Variants in ANGPT1 observed in about 807,000 individuals in gnomAD.
The protein encoded by ANGPT1 is angiopoietin 1.
ANGPT1 carries 17 observed loss-of-function variants against 62.2 expected under a neutral mutation model. The observed-to-expected ratio is 0.27, with a 90% CI of 0.19 to 0.41. ANGPT1 has a LOEUF of 0.41. ANGPT1 is among the 10% of genes least tolerant of loss of function. The pLI is 1.00. For missense variants in ANGPT1, 478 were observed against 594.9 expected (o/e 0.80, Z 2.04); for synonymous variants, 199 against 198.9 (o/e 1.00, Z 0.00).
chr8:107,369,728 T>A (rs1314847780), intron 1 of ANGPT1, among the ~76,000 whole-genome samples: 1 of 151,046 alleles, frequency 6.6e-6, no homozygotes, highest in Non-Finnish European at 1.5e-5. Flanking sequence ...GGGAGAGAGA[T>A]GAGGAAATGG....
intron 1 of ANGPT1, among the ~76,000 whole-genome samples, chr8:107,351,658 G>A (rs1815935941): frequency 6.6e-6 from 1 of 152,004 alleles, no homozygotes; most frequent in Admixed American, 6.6e-5. Flanking sequence ...TTTCACTATA[G>A]TGGAGACCAA....
intron 1 of ANGPT1, among the ~76,000 whole-genome samples, chr8:107,399,423 C>T (rs1816999346): frequency 6.6e-6 from 1 of 152,244 alleles, no homozygotes. Context: ...TTTCATTGTA[C>T]TATCAAAAAC....
chr8:107,434,543 C>T (rs1228499876), intron 1 of ANGPT1, among the ~76,000 whole-genome samples: 2 of 151,612 alleles, frequency 1.3e-5, no homozygotes, highest in Non-Finnish European at 2.9e-5. Context: ...AGGAGATGAA[C>T]GATTAAAGAG....
chr8:107,472,662 A>G (rs1029339621), intron 1 of ANGPT1, among the ~76,000 whole-genome samples: 1 of 152,032 alleles, frequency 6.6e-6, no homozygotes, highest in African/African-American at 2.4e-5. Context: ...GGAGGAAACC[A>G]TTATTATTCT....
rs1210066051 is a variant in ANGPT1 at position 107,251,160 on chromosome 8, T to C, written c.*695A>G. 6.6e-6 allele frequency: 1 copy of C among 152,098 alleles called. No individual in the cohort carries two copies. The highest frequency in any genetic ancestry group is 1.5e-5 in the Non-Finnish European group (1 of 68,020). 9.4% of individuals were successfully genotyped at this position (152,098 alleles called of 1,614,324 possible). ...TTCATTTCTTTTTCTGAAAACTGTATCAAAAATCAGAGTAATGGAGTTTGT... is the reference window on the plus strand; with the variant it reads ...TTCATTTCTTTTTCTGAAAACTGTACCAAAAATCAGAGTAATGGAGTTTGT... On this transcript the variant is annotated 3_prime_UTR_variant, in exon 9 of 9. Coordinates refer to ENST00000517746, the MANE Select transcript of ANGPT1 (RefSeq NM_001146.5).
intron 5 of ANGPT1, among the ~76,000 whole-genome samples, chr8:107,296,805 G>C (rs1269777312): frequency 6.6e-6 from 1 of 152,002 alleles, no homozygotes; most frequent in African/African-American, 2.4e-5. Context: ...AGTTTGCCAA[G>C]TTGTGTTTGC....
chr8:107,357,725 A>G (rs1816076473), intron 1 of ANGPT1, among the ~76,000 whole-genome samples: 1 of 152,204 alleles, frequency 6.6e-6, no homozygotes, highest in South Asian at 2.1e-4. Flanking sequence ...TTAAATACCC[A>G]GCAGATGATA....
chr8:107,488,730 A>G (rs1336854784), intron 1 of ANGPT1, among the ~76,000 whole-genome samples: 1 of 152,180 alleles, frequency 6.6e-6, no homozygotes, highest in Non-Finnish European at 1.5e-5. Flanking sequence ...ACTGGTAATA[A>G]GGTTACAATT....
chr8:107,383,956 G>T (rs1353441900), intron 1 of ANGPT1, among the ~76,000 whole-genome samples: 1 of 152,032 alleles, frequency 6.6e-6, no homozygotes, highest in Non-Finnish European at 1.5e-5. Flanking sequence ...GACACATTAG[G>T]CACCTGTAGC....
rs1460953198 is a variant in ANGPT1, at chr8:107,317,635, T to C, written c.808+4261A>G. ...ACCAGTGAATTTATTTTTATTTTTA[T>C]TTTTTTTTTTTTTGAGACAGAGTCT... On this transcript the variant is annotated intron_variant, in intron 4 of 8. Coordinates refer to ENST00000517746, the MANE Select transcript of ANGPT1 (RefSeq NM_001146.5). Among the ~76,000 whole-genome samples, 4 of 1,562 alleles carry C rather than the reference T, an allele frequency of 2.6e-3. No individual in the cohort carries two copies. In the South Asian group the frequency reaches 0.034, roughly 13 times the overall value. 1.0% of individuals were successfully genotyped at this position (1,562 alleles called of 152,430 possible). A position where few individuals can be genotyped will look rare whatever the true frequency, so the allele number is the denominator to read the frequency against.
In ANGPT1 at chr8:107,347,109, A is replaced by G; in HGVS notation, c.298-12T>C. 1 of 1,611,850 alleles carries G rather than the reference A, an allele frequency of 6.2e-7. No homozygotes were observed. On this transcript the variant is annotated splice_polypyrimidine_tract_variant and intron_variant, in intron 1 of 8. Coordinates refer to ENST00000517746, the MANE Select transcript of ANGPT1 (RefSeq NM_001146.5). ...ATGTAATTCTCAAGCTGCAAGAGAT[A>G]AAGAACAAAACATATTACATTATAA...
chr8:107,354,952 C>A (rs1316546602), intron 1 of ANGPT1, among the ~76,000 whole-genome samples: 2 of 151,120 alleles, frequency 1.3e-5, no homozygotes, highest in African/African-American at 2.4e-5. Flanking sequence ...TCTCTGTCAC[C>A]CAGGCTGGAG....
At chr8:107,365,754 A>C (rs1357207149) in intron 1 of ANGPT1, among the ~76,000 whole-genome samples, 1 of 152,146 alleles carries the variant, frequency 6.6e-6, no homozygotes, top group African/African-American at 2.4e-5. Context: ...CAGGAAAAAA[A>C]CATAAACATA....
intron 1 of ANGPT1, among the ~76,000 whole-genome samples, chr8:107,453,839 C>T (rs73313674): frequency 0.034 from 5,063 of 147,110 alleles, 264 homozygotes; most frequent in African/African-American, 0.12. Context: ...TGAACAGATG[C>T]ACATAGTATA....
chr8:107,394,773 A>G (rs1816902855), intron 1 of ANGPT1, among the ~76,000 whole-genome samples: 1 of 151,054 alleles, frequency 6.6e-6, no homozygotes, highest in Non-Finnish European at 1.5e-5. Flanking sequence ...TTCTGTATTT[A>G]TATTTATATT....
chr8:107,378,917 TATATATATACACATAC>T (rs1311505649), intron 1 of ANGPT1, among the ~76,000 whole-genome samples: 1 of 77,972 alleles, frequency 1.3e-5, no homozygotes, highest in Admixed American at 1.9e-4. Flanking sequence ...AACAAATATA[TATATATATACACATAC>T]ATATATATAT....
At chr8:107,470,912 A>G (rs180757025) in intron 1 of ANGPT1, among the ~76,000 whole-genome samples, 2 of 152,254 alleles carry the variant, frequency 1.3e-5, no homozygotes, top group East Asian at 3.9e-4. Context: ...GCTGGAGAGG[A>G]TGTGGAGAAG....
intron 1 of ANGPT1, among the ~76,000 whole-genome samples, chr8:107,352,866 C>T (rs1216287814): frequency 6.6e-6 from 1 of 151,486 alleles, no homozygotes; most frequent in Non-Finnish European, 1.5e-5. Context: ...TAAAACAATG[C>T]AAAAAATGCC....
intron 1 of ANGPT1, among the ~76,000 whole-genome samples, chr8:107,476,280 TTG>T (rs1308647962): frequency 6.6e-6 from 1 of 152,170 alleles, no homozygotes; most frequent in Admixed American, 6.5e-5. Context: ...TTCATGTCCT[TTG>T]TAAGGACATG....
Sources: gnomAD v4.1 joint callset for allele counts (sites outside exome capture counted in the v4.1 genomes callset) on GRCh38, gnomAD v4.1.1 for gene constraint, MANE v1.5 for transcripts, NCBI Gene and HGNC (gene_info 2026-07-23, HGNC 2026-07-21) for gene names.